The following PARP12 variants were observed in gnomAD, a reference collection of about 807,000 sequenced individuals.
PARP12 encodes poly(ADP-ribose) polymerase family member 12.
PARP12 carries 59 observed loss-of-function variants against 72.4 expected under a neutral mutation model. The ratio of observed to expected loss-of-function variants is 0.81; its 90% CI spans 0.66 to 1.01. The LOEUF (loss-of-function observed/expected upper bound fraction) is 1.01. Among genes scored for constraint, PARP12 ranks in the 50% least tolerant of loss-of-function variants. The probability of loss-of-function intolerance (pLI) is 0.00; values close to 1 mark genes in which losing one functional copy is unlikely to be tolerated. For missense variants in PARP12, 851 were observed against 914.0 expected (o/e 0.93, Z 0.89); for synonymous variants, 403 against 371.4 (o/e 1.09, Z -0.98).
intron 6 of PARP12, 86 bp from the exon 7 acceptor site, chr7:140,037,942 G>A: frequency 1.3e-6 from 2 of 1,531,006 alleles, no homozygotes; most frequent in Non-Finnish European, 8.8e-7. Context: ...ACATTTCAGA[G>A]GTGCTCCTGG....
At chr7:140,047,515 T>TA (rs2116616551) in intron 4 of PARP12, among the ~76,000 whole-genome samples, 1 of 152,342 alleles carries the variant, frequency 6.6e-6, no homozygotes, top group East Asian at 1.9e-4. Flanking sequence ...AGGTAAGACA[T>TA]AAATTCCTTT....
At chr7:140,044,808 A>C (rs1425609296) in intron 5 of PARP12, among the ~76,000 whole-genome samples, 1 of 152,242 alleles carries the variant, frequency 6.6e-6, no homozygotes, top group Non-Finnish European at 1.5e-5. Flanking sequence ...GACTAACAAA[A>C]TACACAATTA....
Position 140,062,538 on chromosome 7 carries a change from T to C in PARP12, c.310A>G (p.Lys104Glu), listed in dbSNP as rs1378480677. The change falls in exon 1 of 12, where the codon AAG becomes GAG. Residue 104 changes from lysine to glutamate, a missense_variant. This residue lies in a region of PARP12 where 492 missense variants were observed against 489.3 expected (regional missense o/e 1.01). Transcript: ENST00000263549. ...LCRFMVYGAC[K>E]FLRAGKNCRN... ...GCGCCTTACCCGGCTCTCAGGAACT[T>C]GCAGGCGCCGTAGACCATGAACCTG... 5.1e-6 allele frequency: 8 copies of C among 1,553,706 alleles called. No homozygotes were observed. Among genetic ancestry groups the C allele is most frequent in the South Asian group, 1.2e-5 (1 of 85,394 alleles).
chr7:140,059,361 T>TACAC (rs36173318), intron 1 of PARP12, among the ~76,000 whole-genome samples: 7,730 of 148,372 alleles, frequency 0.052, 414 homozygotes, highest in African/African-American at 0.14. Flanking sequence ...CAGGCGTGTA[T>TACAC]ACACACACAC....
chr7:140,026,054 G>A (rs1815726393), intron 11 of PARP12, 143 bp downstream of exon 11: 1 of 1,245,962 alleles, frequency 8.0e-7, no homozygotes, highest in Middle Eastern at 2.6e-4. Context: ...GATGTGACTG[G>A]TAGCTGTGCC....
In PARP12 at chr7:140,046,799, AGTGTGTGTGTGT is replaced by A. The variant is rs3216987; in HGVS notation, c.986+73_986+84del. The A allele has an allele frequency of 1.8e-4, 158 of 868,864 alleles. No homozygotes were observed. In the African/African-American group the frequency reaches 2.3e-3, roughly 13 times the overall value. 53.8% of individuals were successfully genotyped at this position (868,864 alleles called of 1,614,324 possible). A position where few individuals can be genotyped will look rare whatever the true frequency, so the allele number is the denominator to read the frequency against. On this transcript the variant is annotated intron_variant, in intron 5 of 11. Coordinates refer to ENST00000263549, the MANE Select transcript of PARP12 (RefSeq NM_022750.4). ...GGCACCTCCAGACTAGGCTGCTCACAGTGTGTGTGTGTGTGTGTGTGTGTGTGTGTGTGTCAC... is the reference window on the plus strand; with the variant it reads ...GGCACCTCCAGACTAGGCTGCTCACAGTGTGTGTGTGTGTGTGTGTGTCAC...
intron 6 of PARP12, chr7:140,038,352 C>T: frequency 3.2e-6 from 3 of 948,898 alleles, no homozygotes; most frequent in Non-Finnish European, 3.8e-6. Flanking sequence ...CCATTTCAAT[C>T]CCTATCCTTC....
At chr7:140,060,180 C>A (rs996066122) in intron 1 of PARP12, among the ~76,000 whole-genome samples, 1 of 152,144 alleles carries the variant, frequency 6.6e-6, no homozygotes, top group African/African-American at 2.4e-5. Flanking sequence ...GGAACTGAGA[C>A]CTGGAGGTAA....
chr7:140,039,611 G>C (rs1337597150), intron 6 of PARP12, among the ~76,000 whole-genome samples: 1 of 152,196 alleles, frequency 6.6e-6, no homozygotes, highest in Non-Finnish European at 1.5e-5. Flanking sequence ...ATTTTGACAT[G>C]AAATGTTGGA....
At chr7:140,038,898 C>A (rs1816332633) in intron 6 of PARP12, among the ~76,000 whole-genome samples, 1 of 152,168 alleles carries the variant, frequency 6.6e-6, no homozygotes. Context: ...TATTTCAAAG[C>A]CTCAAGCACA....
At chr7:140,049,607 G>T (rs1193686463) in intron 4 of PARP12, among the ~76,000 whole-genome samples, 1 of 152,206 alleles carries the variant, frequency 6.6e-6, no homozygotes, top group African/African-American at 2.4e-5. Flanking sequence ...ACATCCTGGG[G>T]AAGGTGCACT....
chr7:140,054,853 G>A, intron 3 of PARP12, 90 bp from the exon 4 acceptor site: 1 of 1,119,674 alleles, frequency 8.9e-7, no homozygotes, highest in South Asian at 1.3e-5. Context: ...CTGCACAAAA[G>A]TGGGCAACGC....
chr7:140,028,139 A>T (rs1194082231), intron 9 of PARP12, among the ~76,000 whole-genome samples: 1 of 152,168 alleles, frequency 6.6e-6, no homozygotes, highest in Admixed American at 6.6e-5. Flanking sequence ...TGCACTCAGC[A>T]CAGCTCCCAC....
At chr7:140,038,447 G>T in intron 6 of PARP12, 2 of 338,374 alleles carry the variant, frequency 5.9e-6, no homozygotes, top group Non-Finnish European at 8.4e-6. Flanking sequence ...TATAACTTTG[G>T]CAAGTTATCT....
At chr7:140,048,068 C>T (rs1179470429) in intron 4 of PARP12, among the ~76,000 whole-genome samples, 2 of 152,138 alleles carry the variant, frequency 1.3e-5, no homozygotes, top group African/African-American at 4.8e-5. Context: ...GGTGGACGGG[C>T]AGAGATCACA....
At position 140,024,459 on chromosome 7, in the gene PARP12, G is replaced by A; in HGVS notation, c.*101C>T. On this transcript the variant is annotated 3_prime_UTR_variant, in exon 12 of 12. Coordinates refer to ENST00000263549, the MANE Select transcript of PARP12 (RefSeq NM_022750.4). Reference sequence around the variant, plus strand: ...AACTTCATTGAGAGGTCAATGTTAAGAGAACAGTTCATTAAAAGTTTCTGT... The same window carrying A: ...AACTTCATTGAGAGGTCAATGTTAAAAGAACAGTTCATTAAAAGTTTCTGT... The A allele has an allele frequency of 2.5e-6, 3 of 1,187,436 alleles. No homozygotes were observed. The highest frequency in any genetic ancestry group is 3.7e-6 in the Non-Finnish European group (3 of 815,970). The allele number at this position is 1,187,436 out of a possible 1,614,324, so 73.6% of individuals were successfully genotyped here. A position where few individuals can be genotyped will look rare whatever the true frequency, so the allele number is the denominator to read the frequency against.
rs187565707 is a variant in PARP12, at chr7:140,048,654, T to C, written c.863-1647A>G. Among the ~76,000 whole-genome samples the C allele has an allele frequency of 4.6e-4, 70 of 152,356 alleles. No homozygotes were observed. In the East Asian group the frequency reaches 7.5e-3, roughly 16 times the overall value. On this transcript the variant is annotated intron_variant, in intron 4 of 11. Coordinates refer to ENST00000263549, the MANE Select transcript of PARP12 (RefSeq NM_022750.4). ...ACACACACATGCACATATTATTTCT[T>C]GCAGAGGGAACCTGGTAACTGGAGA... is the stretch of plus-strand genomic sequence containing the variant.
chr7:140,050,165 G>A (rs1182992862), intron 4 of PARP12, among the ~76,000 whole-genome samples: 1 of 152,136 alleles, frequency 6.6e-6, no homozygotes, highest in African/African-American at 2.4e-5. Flanking sequence ...GAAAAATGCA[G>A]ACAAAATGTG....
rs1307065066 is a variant in PARP12 at position 140,062,462 on chromosome 7, G to A, written c.326+60C>T. 2.6e-5 allele frequency: 38 copies of A among 1,465,384 alleles called. 1 individual carries two copies. The South Asian group carries it at 4.5e-4, about 17-fold the overall frequency. The allele number at this position is 1,465,384 out of a possible 1,614,324, so 90.8% of individuals were successfully genotyped here. The stretch of plus-strand genomic sequence containing the variant: ...TTCAAGTAGGACCCCCAAGCGGGCT[G>A]GAAGTGCGTGAGGGCGCGCAGGACC... On this transcript the variant is annotated intron_variant, in intron 1 of 11. Coordinates refer to ENST00000263549, the MANE Select transcript of PARP12 (RefSeq NM_022750.4).
Sources: gnomAD v4.1 joint callset for allele counts (sites outside exome capture counted in the v4.1 genomes callset) on GRCh38, gnomAD v4.1.1 for gene constraint, gnomAD v4.1.1 regional missense constraint, MANE v1.5 for transcripts, NCBI Gene and HGNC (gene_info 2026-07-23, HGNC 2026-07-21) for gene names.